Variants in CD86 observed in about 807,000 individuals in gnomAD.
The protein encoded by CD86 is CD86 molecule.
In CD86, 11 loss-of-function variants were observed where a neutral mutation model predicts 32.1. The ratio of observed to expected loss-of-function variants is 0.34; its 90% CI spans 0.22 to 0.57. CD86 has a LOEUF of 0.57. Ranked by LOEUF, CD86 falls within the 20% of genes least tolerant of loss-of-function variation. The pLI, the probability that CD86 is intolerant of heterozygous loss-of-function variation, is 0.86. For missense variants in CD86, 359 were observed against 398.4 expected, an observed-to-expected ratio of 0.90 and a Z score of 0.84; for synonymous variants, 137 against 135.3, an observed-to-expected ratio of 1.01 and a Z score of -0.09.
chr3:122,111,379 C>G (rs2073170907), intron 5 of CD86, among the ~76,000 whole-genome samples: 2 of 152,194 alleles, frequency 1.3e-5, no homozygotes, highest in Admixed American at 1.3e-4. Context: ...TCCTATACTC[C>G]AGAACCTGTA....
chr3:122,095,171 AT>A (rs4048621), intron 2 of CD86, among the ~76,000 whole-genome samples: 34,466 of 130,610 alleles, frequency 0.26, 4,111 homozygotes, highest in Non-Finnish European at 0.31. Flanking sequence ...TCACTTTAAG[AT>A]TTTTTTTTTT....
At chr3:122,089,507 A>G (rs975676567) in intron 1 of CD86, among the ~76,000 whole-genome samples, 1 of 152,204 alleles carries the variant, frequency 6.6e-6, no homozygotes, top group Non-Finnish European at 1.5e-5. Context: ...TAAATAACAA[A>G]GATTTCTAAA....
chr3:122,118,018 T>G (rs1415097713), intron 5 of CD86, 30 bp from the exon 6 acceptor site: 1 of 1,601,222 alleles, frequency 6.2e-7, no homozygotes, highest in Non-Finnish European at 8.6e-7. Context: ...GAGGAATACA[T>G]TTTTGAAGAT....
At chr3:122,091,921 G>A (rs776901839) in intron 2 of CD86, 27 of 408,000 alleles carry the variant, frequency 6.6e-5, no homozygotes, top group Middle Eastern at 6.6e-4. Flanking sequence ...CTCAGAGTAG[G>A]GTAGCCTGGC....
chr3:122,075,079 G>A (rs1367603331), intron 1 of CD86, among the ~76,000 whole-genome samples: 1 of 151,038 alleles, frequency 6.6e-6, no homozygotes, highest in East Asian at 1.9e-4. Flanking sequence ...AGGGGGTTGC[G>A]ATATGACTTG....
chr3:122,086,025 A>C (rs993582782), intron 1 of CD86, among the ~76,000 whole-genome samples: 1 of 152,134 alleles, frequency 6.6e-6, no homozygotes, highest in Non-Finnish European at 1.5e-5. Context: ...ACCTCACAAG[A>C]AGCCAAGGAC....
intron 1 of CD86, among the ~76,000 whole-genome samples, chr3:122,083,075 C>T (rs1242380376): frequency 1.3e-5 from 2 of 152,168 alleles, no homozygotes; most frequent in East Asian, 1.9e-4. Context: ...ATCCACTTTT[C>T]CCTTACTTCA....
At position 122,102,823 on chromosome 3, in the gene CD86, A is replaced by C. The variant is rs531576726; in HGVS notation, c.65-689A>C. Reference sequence around the variant, plus strand: ...GAGCTTAGAGAGGTCACTGAAAATAAAGGCCTTGGTTCACTATCGAAGTCA... The same window carrying C: ...GAGCTTAGAGAGGTCACTGAAAATACAGGCCTTGGTTCACTATCGAAGTCA... On this transcript the variant is annotated intron_variant, in intron 2 of 6. Coordinates refer to ENST00000330540, the MANE Select transcript of CD86 (RefSeq NM_175862.5). Among the ~76,000 whole-genome samples the C allele has an allele frequency of 5.6e-4, 84 of 151,316 alleles. 1 individual carries two copies. In the South Asian group the frequency reaches 0.016, roughly 30 times the overall value.
At chr3:122,071,237 A>G (rs988087476) in intron 1 of CD86, among the ~76,000 whole-genome samples, 3 of 152,176 alleles carry the variant, frequency 2.0e-5, no homozygotes, top group African/African-American at 7.2e-5. Context: ...AGTATCATAC[A>G]GAATAGCTTC....
chr3:122,066,584 T>A (rs910493123), intron 1 of CD86, among the ~76,000 whole-genome samples: 15 of 152,214 alleles, frequency 9.9e-5, no homozygotes, highest in South Asian at 6.2e-4. Flanking sequence ...ACCTATAAAT[T>A]TTTTAAAAAA....
At position 122,083,395 on chromosome 3, in the gene CD86, T is replaced by G. The variant is rs140682614; in HGVS notation, c.15-8206T>G. Among the ~76,000 whole-genome samples, 31 of 152,282 alleles carry G rather than the reference T, an allele frequency of 2.0e-4. No homozygotes were observed. In the East Asian group the frequency reaches 5.8e-3, roughly 28 times the overall value. On this transcript the variant is annotated intron_variant, in intron 1 of 6. Coordinates refer to ENST00000330540, the MANE Select transcript of CD86 (RefSeq NM_175862.5). ...GCCACAGGGACCTCCTCGTACCTTCTCTCACGTGCCCTCCTGCCTCAGCGC... is the reference window on the plus strand; with the variant it reads ...GCCACAGGGACCTCCTCGTACCTTCGCTCACGTGCCCTCCTGCCTCAGCGC...
In CD86 at chr3:122,103,800, C is replaced by G; in HGVS notation, c.353C>G (p.Thr118Arg). The G allele has an allele frequency of 6.2e-7, 1 of 1,613,982 alleles. No individual in the cohort carries two copies. Among genetic ancestry groups the G allele is most frequent in the Non-Finnish European group, 8.5e-7 (1 of 1,179,882 alleles). The change falls in exon 3 of 7, where the codon ACA becomes AGA. Residue 118 changes from threonine (T) to arginine (R), a missense_variant. Physicochemically the swap from Thr to Arg is moderately conservative, Grantham distance 71. Transcript: ENST00000330540. ...TGTATCATCCATCACAAAAAGCCCA[C>G]AGGAATGATTCGCATCCACCAGATG... The part of the protein sequence containing the change: ...YQCIIHHKKP[T>R]GMIRIHQMNS...
chr3:122,087,873 G>A (rs895355674), intron 1 of CD86, among the ~76,000 whole-genome samples: 24 of 152,184 alleles, frequency 1.6e-4, no homozygotes, highest in African/African-American at 5.5e-4. Flanking sequence ...CCCAGGGGAA[G>A]AGAGAGTTTC....
chr3:122,070,790 T>A (rs2072478099), intron 1 of CD86, among the ~76,000 whole-genome samples: 1 of 152,200 alleles, frequency 6.6e-6, no homozygotes, highest in African/African-American at 2.4e-5. Flanking sequence ...ACGTTCTATG[T>A]ATAGCATTGA....
At chr3:122,061,309 T>C (rs2072331236) in intron 1 of CD86, among the ~76,000 whole-genome samples, 1 of 152,154 alleles carries the variant, frequency 6.6e-6, no homozygotes, top group Non-Finnish European at 1.5e-5. Flanking sequence ...CTGTGATGAA[T>C]ACAAATGAAA....
intron 1 of CD86, among the ~76,000 whole-genome samples, chr3:122,070,174 G>C (rs1251598578): frequency 3.3e-5 from 5 of 152,134 alleles, no homozygotes; most frequent in African/African-American, 7.2e-5. Flanking sequence ...GGTGTCCCTT[G>C]CCTTTCTGAC....
At chr3:122,099,853 G>C (rs968913190) in intron 2 of CD86, among the ~76,000 whole-genome samples, 3 of 152,316 alleles carry the variant, frequency 2.0e-5, no homozygotes, top group Middle Eastern at 3.4e-3. Flanking sequence ...CACAGAGACA[G>C]AGCATTTCCA....
intron 1 of CD86, among the ~76,000 whole-genome samples, chr3:122,079,894 T>A (rs2107515420): frequency 6.6e-6 from 1 of 152,230 alleles, no homozygotes; most frequent in South Asian, 2.1e-4. Context: ...CCTTTTTAGA[T>A]AAATTAACTT....
Position 122,077,999 on chromosome 3 carries a change from G to T in CD86, c.15-13602G>T, listed in dbSNP as rs1293418335. On this transcript the variant is annotated intron_variant, in intron 1 of 6. Transcript: ENST00000330540. The stretch of plus-strand genomic sequence containing the variant: ...TCCTTGGGAATGCTGCTGTGCTTAT[G>T]CATCTGGTCTCTTTTTGGAGCTACA... The T allele has an allele frequency of 3.0e-6, 3 of 985,544 alleles. No individual in the cohort carries two copies. The African/African-American group carries it at 5.2e-5, about 17-fold the overall frequency. 61.0% of individuals were successfully genotyped at this position (985,544 alleles called of 1,614,324 possible).
Sources: gnomAD v4.1 joint callset for allele counts (sites outside exome capture counted in the v4.1 genomes callset) on GRCh38, gnomAD v4.1.1 for gene constraint, MANE v1.5 for transcripts, NCBI Gene and HGNC (gene_info 2026-07-23, HGNC 2026-07-21) for gene names.